The following VPS37A variants were observed in gnomAD, a reference collection of about 807,000 sequenced individuals.
VPS37A encodes the protein VPS37A subunit of ESCRT-I, also known as vacuolar protein sorting-associated protein 37A.
Under a neutral mutation model 49.8 loss-of-function variants are expected in VPS37A, and 30 were observed. That is an observed-to-expected ratio of 0.60 (90% confidence interval 0.45 to 0.82). The LOEUF (loss-of-function observed/expected upper bound fraction) is 0.82. VPS37A is among the 40% of genes least tolerant of loss of function. VPS37A has a pLI of 0.00. For missense variants in VPS37A, 593 were observed against 464.4 expected, an observed-to-expected ratio of 1.28 and a Z score of -2.55; for synonymous variants, 195 against 160.6, an observed-to-expected ratio of 1.21 and a Z score of -1.62.
intron 1 of VPS37A, among the ~76,000 whole-genome samples, chr8:17,260,835 G>A (rs1199724319): frequency 1.3e-5 from 2 of 152,126 alleles, no homozygotes; most frequent in Non-Finnish European, 1.5e-5. Flanking sequence ...TGAGAAGTCT[G>A]TTGCCAGACC....
intron 1 of VPS37A, among the ~76,000 whole-genome samples, chr8:17,250,031 G>A (rs1811825922): frequency 1.3e-5 from 2 of 152,190 alleles, no homozygotes; most frequent in African/African-American, 4.8e-5. Context: ...TACTCCTCTA[G>A]TGGACCGGCC....
intron 1 of VPS37A, among the ~76,000 whole-genome samples, chr8:17,258,362 T>G (rs1812667397): frequency 1.3e-5 from 2 of 152,194 alleles, no homozygotes; most frequent in African/African-American, 4.8e-5. Context: ...ACAAAGGATT[T>G]TATTGAGTGC....
the VPS37A span, among the ~76,000 whole-genome samples, chr8:17,331,709 A>G: frequency 0.012 from 1,848 of 152,332 alleles, 40 homozygotes; most frequent in East Asian, 0.076. Context: ...ATCTTCTAGT[A>G]TTAGATTGCC....
At chr8:17,258,275 A>G (rs940423683) in intron 1 of VPS37A, among the ~76,000 whole-genome samples, 2 of 152,148 alleles carry the variant, frequency 1.3e-5, no homozygotes, top group Non-Finnish European at 2.9e-5. Flanking sequence ...TATAATGTCA[A>G]CTGTGGTTTG....
the VPS37A span, among the ~76,000 whole-genome samples, chr8:17,318,510 C>A: frequency 1.3e-5 from 2 of 152,224 alleles, no homozygotes; most frequent in East Asian, 3.9e-4. Context: ...ATGGACGGCT[C>A]CCACAAACAT....
downstream of VPS37A, chr8:17,299,978 G>A: frequency 6.2e-7 from 1 of 1,614,084 alleles, no homozygotes; most frequent in Non-Finnish European, 8.5e-7. Flanking sequence ...CCGGACTCTT[G>A]GTCACTGTTG....
chr8:17,308,410 G>GA, the VPS37A span, among the ~76,000 whole-genome samples: 1 of 152,106 alleles, frequency 6.6e-6, no homozygotes, highest in South Asian at 2.1e-4. Context: ...TGCTTTCCTG[G>GA]AAAAAATTAG....
the VPS37A span, among the ~76,000 whole-genome samples, chr8:17,332,996 T>C: frequency 1.3e-5 from 2 of 151,710 alleles, no homozygotes; most frequent in Non-Finnish European, 1.5e-5. Flanking sequence ...ATATATGAAG[T>C]TTGTAATTGA....
At chr8:17,286,448 G>T (rs530078528) in intron 11 of VPS37A, 21 bp downstream of exon 11, 2 of 1,604,534 alleles carry the variant, frequency 1.2e-6, no homozygotes, top group East Asian at 4.5e-5. Flanking sequence ...TTTCAAGTTT[G>T]AGTCTCAAGG....
At chr8:17,316,617 G>A in the VPS37A span, among the ~76,000 whole-genome samples, 1 of 151,688 alleles carries the variant, frequency 6.6e-6, no homozygotes, top group Non-Finnish European at 1.5e-5. Context: ...CCACATCCTT[G>A]GAGTCAACCA....
the VPS37A span, among the ~76,000 whole-genome samples, chr8:17,328,527 G>A: frequency 6.6e-6 from 1 of 151,994 alleles, no homozygotes; most frequent in Non-Finnish European, 1.5e-5. Flanking sequence ...GAGAACACAT[G>A]GCCACACGTA....
intron 1 of VPS37A, chr8:17,247,618 A>G (rs768717920): frequency 7.1e-6 from 5 of 705,976 alleles, no homozygotes; most frequent in East Asian, 5.4e-5. Flanking sequence ...CTCCTGACAC[A>G]TAGCTGCTGA....
the VPS37A span, among the ~76,000 whole-genome samples, chr8:17,319,229 C>T: frequency 5.9e-5 from 9 of 152,164 alleles, no homozygotes; most frequent in Admixed American, 1.3e-4. Flanking sequence ...AGTTACTGAG[C>T]CTCGCTGTCT....
At chr8:17,319,424 T>A in the VPS37A span, among the ~76,000 whole-genome samples, 2 of 152,122 alleles carry the variant, frequency 1.3e-5, no homozygotes, top group Admixed American at 6.5e-5. Context: ...CTCAAACATG[T>A]CAACGCTGAA....
At chr8:17,287,009 C>G (rs1815663920) in intron 11 of VPS37A, among the ~76,000 whole-genome samples, 1 of 152,178 alleles carries the variant, frequency 6.6e-6, no homozygotes, top group Admixed American at 6.5e-5. Context: ...CATAATCTTG[C>G]ATATATTTCA....
downstream of VPS37A, chr8:17,299,051 G>T (rs1283847804): frequency 6.6e-6 from 1 of 152,172 alleles, no homozygotes; most frequent in Non-Finnish European, 1.5e-5. Flanking sequence ...CTGGTGGCTG[G>T]CCCACACTGT....
intron 1 of VPS37A, among the ~76,000 whole-genome samples, chr8:17,253,144 C>T (rs780122399): frequency 6.6e-6 from 1 of 152,146 alleles, no homozygotes; most frequent in Non-Finnish European, 1.5e-5. Flanking sequence ...ATAAGGCAGT[C>T]ATTTCTCCAT....
chr8:17,265,958 C>G lies in VPS37A; in HGVS notation c.177C>G (p.Asn59Lys). The change falls in exon 2 of 12, where the codon AAC becomes AAG. Residue 59 changes from asparagine to lysine, a missense_variant. Asn to Lys is a moderately conservative substitution (Grantham distance 94, BLOSUM62 0). Coordinates refer to ENST00000324849, the MANE Select transcript of VPS37A (RefSeq NM_152415.3). ...DVEYRLPFTI[N>K]NLTININILL... ...AATACAGATTGCCATTCACCATAAA[C>G]AACCTGACAATTAACATTAATATGT... 6.2e-7 allele frequency: 1 copy of G among 1,612,982 alleles called. No homozygotes were observed. The highest frequency in any genetic ancestry group is 8.5e-7 in the Non-Finnish European group (1 of 1,179,542).
At chr8:17,324,641 G>A in the VPS37A span, among the ~76,000 whole-genome samples, 259 of 152,278 alleles carry the variant, frequency 1.7e-3, no homozygotes, top group African/African-American at 5.7e-3. Flanking sequence ...TGACCATGTC[G>A]ATAGCCAGTG....
Sources: gnomAD v4.1 joint callset for allele counts (sites outside exome capture counted in the v4.1 genomes callset) on GRCh38, gnomAD v4.1.1 for gene constraint, MANE v1.5 for transcripts, NCBI Gene and HGNC (gene_info 2026-07-23, HGNC 2026-07-21) for gene names.